Variants in SIGIRR observed in about 807,000 individuals in gnomAD.
The protein encoded by SIGIRR is single Ig and TIR domain containing, also known as single Ig IL-1-related receptor.
A neutral mutation model predicts 45.6 loss-of-function variants in SIGIRR; 41 were observed. The ratio of observed to expected loss-of-function variants is 0.90; its 90% CI spans 0.70 to 1.17. SIGIRR has a LOEUF of 1.17. SIGIRR is among the 50% of genes most tolerant of loss of function. SIGIRR has a pLI of 0.00. For missense variants in SIGIRR, 599 were observed against 539.6 expected, an observed-to-expected ratio of 1.11 and a Z score of -1.09; for synonymous variants, 298 against 239.0, an observed-to-expected ratio of 1.25 and a Z score of -2.28.
chr11:416,232 C>T (rs538131075), upstream of SIGIRR, among the ~76,000 whole-genome samples: 1 of 152,270 alleles, frequency 6.6e-6, no homozygotes, highest in Admixed American at 6.5e-5. This position sits in a 1 kb window ranked among gnomAD's most constrained non-coding sequence, Gnocchi z 9.1. Flanking sequence ...GGGCCTCCAG[C>T]ACAGGCCCTG....
intron 1 of SIGIRR, among the ~76,000 whole-genome samples, chr11:413,465 C>T (rs1057296204): frequency 3.6e-4 from 54 of 152,074 alleles, no homozygotes; most frequent in African/African-American, 1.2e-3. Flanking sequence ...GAGGTCACAC[C>T]GCCAGCCCAG....
intron 9 of SIGIRR, 55 bp downstream of exon 9, chr11:406,294 C>T (rs779187442): frequency 1.1e-5 from 18 of 1,584,488 alleles, no homozygotes; most frequent in Non-Finnish European, 1.5e-5. Flanking sequence ...TGCCTGCCCC[C>T]ACTCCGCCCT....
Position 405,914 on chromosome 11 carries a change from C to T in SIGIRR, c.1215G>A (p.Val405=), listed in dbSNP as rs146687276. ...GTGGGAGCTACATATCATCCTTGGACACCAGGCAGTAGAAGTCTGTGCGGG... is the reference window on the plus strand; with the variant it reads ...GTGGGAGCTACATATCATCCTTGGATACCAGGCAGTAGAAGTCTGTGCGGG... ...YSARTDFYCL[V]SKDDM The change falls in exon 10 of 10, where the codon GTG becomes GTA. Residue 405 remains valine, a synonymous_variant. Coordinates refer to ENST00000431843, the MANE Select transcript of SIGIRR (RefSeq NM_001135054.2). 4 of 1,603,446 alleles carry T rather than the reference C, an allele frequency of 2.5e-6. No individual in the cohort carries two copies. The African/African-American group carries it at 4.0e-5, about 16-fold the overall frequency.
chr11:415,204 C>T (rs929724909), upstream of SIGIRR, among the ~76,000 whole-genome samples: 20 of 95,366 alleles, frequency 2.1e-4, no homozygotes, highest in African/African-American at 8.2e-4. This position sits in a 1 kb window ranked among gnomAD's most constrained non-coding sequence, Gnocchi z 6.6. Context: ...TTCCTCTGTG[C>T]AGCGTGTGTG....
In SIGIRR at chr11:407,558, G is replaced by C. The variant is rs752692006; in HGVS notation, c.492C>G (p.Leu164=). Residue 164 remains leucine, a synonymous_variant, in exon 6 of 10, where the codon CTC becomes CTG. Coordinates refer to ENST00000431843, the MANE Select transcript of SIGIRR (RefSeq NM_001135054.2). ...CGCTGTAGGAGACGTAGGCGTCGTA[G>C]AGCTTCCCGTCTGCGGACGGCGGCC... ...YGEVEINDGK[L]YDAYVSYSDC... 1.2e-6 allele frequency: 2 copies of C among 1,607,906 alleles called. No individual in the cohort carries two copies. The highest frequency in any genetic ancestry group is 1.7e-6 in the Non-Finnish European group (2 of 1,177,214).
intron 2 of SIGIRR, chr11:409,188 G>T: frequency 2.0e-6 from 1 of 502,784 alleles, no homozygotes; most frequent in Non-Finnish European, 3.7e-6. Context: ...CCCAGGATGT[G>T]AGTCCAGCCC....
Position 407,815 on chromosome 11 carries a change from A to C in SIGIRR, c.481+2T>G. 6.2e-7 allele frequency: 1 copy of C among 1,612,414 alleles called. No individual in the cohort carries two copies. Among genetic ancestry groups the C allele is most frequent in the Non-Finnish European group, 8.5e-7 (1 of 1,179,784 alleles). ...CCTCGCGCCCACGCGGGCCCCACGC[A>C]CCGTTTATCTCCACCTCCCCATACG... On this transcript the variant is annotated splice_donor_variant, in intron 5 of 9. Transcript: ENST00000431843. LOFTEE classifies it high-confidence loss of function.
At chr11:408,572 C>T (rs1847456385) in intron 3 of SIGIRR, 123 bp downstream of exon 3, 2 of 1,190,846 alleles carry the variant, frequency 1.7e-6, no homozygotes, top group Admixed American at 1.7e-5. Context: ...TCTGGGTCCA[C>T]AGAGGCACTC....
At chr11:414,327 C>A (rs550645774) in intron 1 of SIGIRR, among the ~76,000 whole-genome samples, 1 of 140,980 alleles carries the variant, frequency 7.1e-6, no homozygotes, top group East Asian at 2.2e-4. Context: ...CCCTCCCCAC[C>A]TTTCCCTGCA....
chr11:410,223 C>A (rs1158357701), intron 1 of SIGIRR, among the ~76,000 whole-genome samples, 196 bp from the exon 2 acceptor site: 1 of 152,168 alleles, frequency 6.6e-6, no homozygotes, highest in Non-Finnish European at 1.5e-5. Context: ...TTCACGCAGC[C>A]CAGGACCACG....
At chr11:407,364 C>CATGGA (rs1847381405) in intron 6 of SIGIRR, 61 bp downstream of exon 6, 1 of 1,311,176 alleles carries the variant, frequency 7.6e-7, no homozygotes, top group Non-Finnish European at 1.0e-6. Context: ...TGGGACGGAG[C>CATGGA]ATGGGGCGGG....
rs1847461947 is a variant in SIGIRR, at chr11:408,709, G to A, written c.192C>T (p.Leu64=). Residue 64 remains leucine, a synonymous_variant, in exon 3 of 10, where the codon CTC becomes CTT. Transcript: ENST00000431843. ...GGGTCTCTTACCAGGAGTACTCGTG[G>A]AGGCTGTAGTGGCCCCCAATTCCCA... The part of the protein sequence containing the change: ...LPLGIGGHYS[L]HEYSWVKANL... 1.9e-6 allele frequency: 3 copies of A among 1,612,624 alleles called. No homozygotes were observed. The highest frequency in any genetic ancestry group is 2.5e-6 in the Non-Finnish European group (3 of 1,179,952).
chr11:410,564 T>C (rs868598123), intron 1 of SIGIRR, among the ~76,000 whole-genome samples: 56 of 118,610 alleles, frequency 4.7e-4, no homozygotes, highest in Middle Eastern at 5.9e-3. Context: ...TCTGACCATG[T>C]CTGGATACAG....
In SIGIRR at chr11:406,584, G is replaced by A. The variant is rs771644769; in HGVS notation, c.880-46C>T. On this transcript the variant is annotated intron_variant, in intron 8 of 9. Coordinates refer to ENST00000431843, the MANE Select transcript of SIGIRR (RefSeq NM_001135054.2). ...GTTTGCAGGTGTGAACACCTCGGAA[G>A]CCCCTGGCGTCCTGGCCCCCAAGAG... The A allele has an allele frequency of 4.5e-6, 7 of 1,551,592 alleles. No homozygotes were observed. The Admixed American group carries it at 7.6e-5, about 17-fold the overall frequency.
Position 405,888 on chromosome 11 carries a change from G to C in SIGIRR, c.*8C>G. ...CTGTCCCTATGATCCTGCACTCTGG[G>C]GTGGGAGCTACATATCATCCTTGGA... On this transcript the variant is annotated 3_prime_UTR_variant, in exon 10 of 10. Transcript: ENST00000431843. 1.3e-6 allele frequency: 2 copies of C among 1,587,746 alleles called. No homozygotes were observed. The highest frequency in any genetic ancestry group is 1.7e-6 in the Non-Finnish European group (2 of 1,163,150).
Position 407,802 on chromosome 11 carries a change from G to A in SIGIRR, c.481+15C>T, listed in dbSNP as rs752128835. 1.2e-6 allele frequency: 2 copies of A among 1,612,194 alleles called. No homozygotes were observed. Among genetic ancestry groups the A allele is most frequent in the Non-Finnish European group, 1.7e-6 (2 of 1,179,778 alleles). Reference sequence around the variant, plus strand: ...CGTGGCGACCCCTCCTCGCGCCCACGCGGGCCCCACGCACCGTTTATCTCC... The same window carrying A: ...CGTGGCGACCCCTCCTCGCGCCCACACGGGCCCCACGCACCGTTTATCTCC... On this transcript the variant is annotated intron_variant, in intron 5 of 9. Transcript: ENST00000431843.
In SIGIRR at chr11:407,080, C is replaced by T; in HGVS notation, c.710G>A (p.Trp237Ter). 3.9e-6 allele frequency: 6 copies of T among 1,555,604 alleles called. No homozygotes were observed. The highest frequency in any genetic ancestry group is 5.2e-6 in the Non-Finnish European group (6 of 1,156,352). ...GACCCACCGGAAGCTGTGGCTGCAC[C>T]AGGCCCGGCTCAGGAAGGCGTCCGA... ...VLSDAFLSRA[W>*]CSHSFREGLC... The change falls in exon 7 of 10, where the codon TGG (tryptophan) becomes TAG (stop). Residue 237 changes from tryptophan to a stop codon, truncating the protein, a stop_gained. Coordinates refer to ENST00000431843, the MANE Select transcript of SIGIRR (RefSeq NM_001135054.2). LOFTEE classifies it high-confidence loss of function.
chr11:410,472 C>T (rs531974318), intron 1 of SIGIRR, among the ~76,000 whole-genome samples: 2 of 147,064 alleles, frequency 1.4e-5, no homozygotes, highest in East Asian at 3.9e-4. Context: ...AGATGCCCAG[C>T]TCTGACCATG....
At chr11:408,386 G>C (rs182599278) in intron 3 of SIGIRR, among the ~76,000 whole-genome samples, 180 bp from the exon 4 acceptor site, 1 of 152,182 alleles carries the variant, frequency 6.6e-6, no homozygotes, top group Non-Finnish European at 1.5e-5. Context: ...CAGAACAGCC[G>C]TCCCAGTCCT....
Sources: gnomAD v4.1 joint callset for allele counts (sites outside exome capture counted in the v4.1 genomes callset) on GRCh38, gnomAD v4.1.1 for gene constraint, Gnocchi (gnomAD v3.1) non-coding constraint, MANE v1.5 for transcripts, NCBI Gene and HGNC (gene_info 2026-07-23, HGNC 2026-07-21) for gene names.